Variants in MTA3 observed in about 807,000 individuals in gnomAD.
MTA3 encodes metastasis associated 1 family member 3.
MTA3 carries 34 observed loss-of-function variants against 83.5 expected under a neutral mutation model. The ratio of observed to expected loss-of-function variants is 0.41; its 90% CI spans 0.31 to 0.54. MTA3 has a LOEUF of 0.54. Ranked by LOEUF, MTA3 falls within the 20% of genes least tolerant of loss-of-function variation. MTA3 has a pLI of 0.33. For missense variants in MTA3, 761 were observed against 726.4 expected (o/e 1.05, Z -0.55); for synonymous variants, 303 against 252.7 (o/e 1.20, Z -1.89).
At chr2:42,722,139 A>T (rs1667453555) in intron 15 of MTA3, among the ~76,000 whole-genome samples, 1 of 152,184 alleles carries the variant, frequency 6.6e-6, no homozygotes, top group African/African-American at 2.4e-5. Context: ...CTTTAGAAAA[A>T]GGCTGCCCAG....
At chr2:42,625,927 C>A (rs1339570549) in intron 4 of MTA3, among the ~76,000 whole-genome samples, 1 of 148,850 alleles carries the variant, frequency 6.7e-6, no homozygotes, top group Non-Finnish European at 1.5e-5. Flanking sequence ...TTAGATGATT[C>A]AGTTATCCTT....
At chr2:42,564,178 G>T (rs1259329030), upstream of MTA3, among the ~76,000 whole-genome samples, 1 of 152,104 alleles carries the variant, frequency 6.6e-6, no homozygotes, top group Non-Finnish European at 1.5e-5. Context: ...GGGTCAGTTA[G>T]GTTAACCACC....
chr2:42,754,535 T>C lies in MTA3; in HGVS notation c.*1136T>C. On this transcript the variant is annotated 3_prime_UTR_variant, in exon 17 of 17. Transcript: ENST00000405094. Reference sequence around the variant, plus strand: ...ACTCAGCTGTGCTGAGTAGCTGTGCTACTTGTGCTGGCAGCTGCAAGGATA... The same window carrying C: ...ACTCAGCTGTGCTGAGTAGCTGTGCCACTTGTGCTGGCAGCTGCAAGGATA... 3 of 985,448 alleles carry C rather than the reference T, an allele frequency of 3.0e-6. No homozygotes were observed. Among genetic ancestry groups the C allele is most frequent in the Non-Finnish European group, 3.6e-6 (3 of 829,956 alleles). The allele number at this position is 985,448 out of a possible 1,614,324, so 61.0% of individuals were successfully genotyped here.
At chr2:42,501,445 G>T (rs543019733) in intron 2 of MTA3, among the ~76,000 whole-genome samples, 2 of 152,186 alleles carry the variant, frequency 1.3e-5, no homozygotes, top group African/African-American at 2.4e-5. Flanking sequence ...ATTTTGGGAG[G>T]CATATTCTGA....
intron 2 of MTA3, among the ~76,000 whole-genome samples, chr2:42,521,125 A>C (rs1411849200): frequency 5.9e-5 from 9 of 152,150 alleles, no homozygotes; most frequent in Non-Finnish European, 1.5e-5. Context: ...AGCAAAAGGG[A>C]TGGGATGTCA....
chr2:42,590,961 T>C (rs1206106769), intron 3 of MTA3, among the ~76,000 whole-genome samples: 1 of 152,138 alleles, frequency 6.6e-6, no homozygotes, highest in African/African-American at 2.4e-5. Context: ...TGTGTACTGG[T>C]AGAGGATTAG....
intron 8 of MTA3, among the ~76,000 whole-genome samples, chr2:42,668,403 T>C (rs1690490886): frequency 6.6e-6 from 1 of 152,200 alleles, no homozygotes; most frequent in Non-Finnish European, 1.5e-5. Context: ...GAGCAGGCAA[T>C]GCCTCAGGGT....
chr2:42,652,003 A>G (rs926642697), intron 6 of MTA3, among the ~76,000 whole-genome samples: 1 of 152,110 alleles, frequency 6.6e-6, no homozygotes, highest in Non-Finnish European at 1.5e-5. Context: ...AGGCTGAGGC[A>G]GGAGAATGAC....
chr2:42,679,383 TAACCGCTATCATTAAGCAAATTGAA>T (rs1691665319), intron 8 of MTA3, among the ~76,000 whole-genome samples: 1 of 152,112 alleles, frequency 6.6e-6, no homozygotes, highest in South Asian at 2.1e-4. Flanking sequence ...ACAATTGGGG[TAACCGCTATCATTAAGCAAATTGAA>T]AACCGCACAG....
Position 42,755,874 on chromosome 2 carries a change from T to C in MTA3, c.*2475T>C. 1 of 985,478 alleles carries C rather than the reference T, an allele frequency of 1.0e-6. No individual in the cohort carries two copies. Among genetic ancestry groups the C allele is most frequent in the Non-Finnish European group, 1.2e-6 (1 of 829,990 alleles). 61.0% of individuals were successfully genotyped at this position (985,478 alleles called of 1,614,324 possible). ...ACAGGCTCTGCAGGCTATCTCCCCC[T>C]CTGGCTCAGTCATCGCCTGCCCACC... is the stretch of plus-strand genomic sequence containing the variant. On this transcript the variant is annotated 3_prime_UTR_variant, in exon 17 of 17. Coordinates refer to ENST00000405094, the MANE Select transcript of MTA3 (RefSeq NM_001330442.2).
At chr2:42,644,665 C>T (rs1287522355) in intron 6 of MTA3, among the ~76,000 whole-genome samples, 2 of 152,166 alleles carry the variant, frequency 1.3e-5, no homozygotes, top group African/African-American at 4.8e-5. Flanking sequence ...TCCAACAGGA[C>T]AGTGTCTCTG....
chr2:42,563,615 C>T (rs372646054), intron 2 of MTA3, among the ~76,000 whole-genome samples: 17 of 149,450 alleles, frequency 1.1e-4, no homozygotes, highest in African/African-American at 3.4e-4. Context: ...TACAGGTGCC[C>T]GCCACCACAC....
chr2:42,638,831 T>C (rs1687429959), intron 4 of MTA3, among the ~76,000 whole-genome samples: 1 of 151,556 alleles, frequency 6.6e-6, no homozygotes, highest in Admixed American at 6.6e-5. Context: ...TACCACATGC[T>C]CTCAAAGAAA....
At chr2:42,729,497 G>A (rs1668102000) in intron 16 of MTA3, among the ~76,000 whole-genome samples, 1 of 152,114 alleles carries the variant, frequency 6.6e-6, no homozygotes, top group Non-Finnish European at 1.5e-5. Flanking sequence ...TTCTGCATAT[G>A]GCTATCCAGT....
chr2:42,626,664 C>A (rs1208244110), intron 4 of MTA3, among the ~76,000 whole-genome samples: 4 of 152,122 alleles, frequency 2.6e-5, no homozygotes, highest in Admixed American at 6.6e-5. Context: ...CTAAGTCTTA[C>A]CCTCTTAGAC....
chr2:42,652,643 G>A (rs116543687), intron 6 of MTA3, among the ~76,000 whole-genome samples: 2,320 of 152,084 alleles, frequency 0.015, 60 homozygotes, highest in African/African-American at 0.053. Flanking sequence ...ACTGCACCCT[G>A]GCCTTGCTTT....
chr2:42,571,386 CAAAAAAAAA>C (rs34003791), intron 2 of MTA3, among the ~76,000 whole-genome samples: 13 of 63,792 alleles, frequency 2.0e-4, no homozygotes, highest in African/African-American at 8.1e-4. Context: ...AACACTGTCT[CAAAAAAAAA>C]AAAAAAAAAA....
intron 9 of MTA3, among the ~76,000 whole-genome samples, chr2:42,683,052 C>T (rs1692065748): frequency 6.6e-6 from 1 of 152,148 alleles, no homozygotes; most frequent in African/African-American, 2.4e-5. Flanking sequence ...GCCTGGGCAA[C>T]AGAGCAAGAC....
upstream of MTA3, among the ~76,000 whole-genome samples, chr2:42,564,534 C>T (rs1475857444): frequency 6.6e-6 from 1 of 152,134 alleles, no homozygotes; most frequent in Non-Finnish European, 1.5e-5. Context: ...CCTTTAAAAC[C>T]CAGGCCCTCC....
Sources: allele counts gnomAD v4.1 joint callset (sites outside exome capture counted in the v4.1 genomes callset), GRCh38; gene constraint gnomAD v4.1.1; transcripts MANE v1.5; gene names NCBI Gene and HGNC (gene_info 2026-07-23, HGNC 2026-07-21).